NCKAP5: variants seen among roughly 807,000 people sequenced by gnomAD.
The protein encoded by NCKAP5 is nck-associated protein 5.
Under a neutral mutation model 167.0 loss-of-function variants are expected in NCKAP5, and 92 were observed. The ratio of observed to expected loss-of-function variants is 0.55; its 90% CI spans 0.47 to 0.66. The LOEUF is 0.66. Ranked by LOEUF, NCKAP5 falls within the 30% of genes least tolerant of loss-of-function variation. The pLI is 0.00. For missense variants in NCKAP5, 2,378 were observed against 2,315.0 expected, an observed-to-expected ratio of 1.03 and a Z score of -0.56; for synonymous variants, 891 against 877.4, an observed-to-expected ratio of 1.02 and a Z score of -0.27.
chr2:133,477,261 A>G (rs149068914), intron 3 of NCKAP5, among the ~76,000 whole-genome samples: 3 of 152,348 alleles, frequency 2.0e-5, no homozygotes, highest in Non-Finnish European at 4.4e-5. Flanking sequence ...TGCCTTCATC[A>G]GAGCTGGTTG....
chr2:132,720,820 C>T (rs34217247), intron 19 of NCKAP5, among the ~76,000 whole-genome samples: 19,261 of 151,822 alleles, frequency 0.13, 1,345 homozygotes, highest in East Asian at 0.16. Flanking sequence ...ACCAGCCTGG[C>T]CAACATAATG....
intron 6 of NCKAP5, among the ~76,000 whole-genome samples, chr2:132,997,783 T>C (rs1206859925): frequency 6.8e-6 from 1 of 148,030 alleles, no homozygotes; most frequent in Non-Finnish European, 1.5e-5. Flanking sequence ...GGGGAGAGCA[T>C]GAGAAAAACT....
At chr2:132,688,564 A>C (rs1686270069) in intron 19 of NCKAP5, among the ~76,000 whole-genome samples, 1 of 152,200 alleles carries the variant, frequency 6.6e-6, no homozygotes, top group African/African-American at 2.4e-5. Flanking sequence ...AACATGTAAA[A>C]GCAAGGGAAA....
chr2:133,360,601 T>C (rs1685033732), intron 3 of NCKAP5, among the ~76,000 whole-genome samples: 1 of 152,230 alleles, frequency 6.6e-6, no homozygotes, highest in Non-Finnish European at 1.5e-5. Context: ...AGTCCTTTCA[T>C]TGTCTTCATG....
the NCKAP5 span, among the ~76,000 whole-genome samples, chr2:133,634,195 G>A: frequency 1.3e-5 from 2 of 152,172 alleles, no homozygotes; most frequent in Non-Finnish European, 2.9e-5. Context: ...CAGCTTGCCA[G>A]TATGAAAAGA....
intron 7 of NCKAP5, among the ~76,000 whole-genome samples, chr2:132,990,540 T>C (rs975480825): frequency 6.6e-6 from 1 of 152,188 alleles, no homozygotes; most frequent in African/African-American, 2.4e-5. Flanking sequence ...AAAGGGACTT[T>C]TGCAGATTTG....
At chr2:132,814,014 A>G (rs1226995972) in intron 11 of NCKAP5, among the ~76,000 whole-genome samples, 1 of 152,200 alleles carries the variant, frequency 6.6e-6, no homozygotes, top group Non-Finnish European at 1.5e-5. Flanking sequence ...TTACAGCTCA[A>G]TGTCCTGGTT....
At chr2:132,693,743 A>T (rs1425456076) in intron 19 of NCKAP5, among the ~76,000 whole-genome samples, 1 of 148,048 alleles carries the variant, frequency 6.8e-6, no homozygotes, top group Non-Finnish European at 1.5e-5. Context: ...CTCCTGCCTC[A>T]GCCTCTCGAG....
intron 6 of NCKAP5, among the ~76,000 whole-genome samples, chr2:133,004,640 G>T (rs1215677513): frequency 6.6e-6 from 1 of 152,172 alleles, no homozygotes; most frequent in East Asian, 1.9e-4. Context: ...GGTGAAATTA[G>T]AATTAATGAT....
chr2:132,837,922 G>T (rs1400922338), intron 11 of NCKAP5, among the ~76,000 whole-genome samples: 5 of 152,156 alleles, frequency 3.3e-5, no homozygotes. Context: ...TGTACATCTG[G>T]GTGGTGGTGT....
intron 5 of NCKAP5, among the ~76,000 whole-genome samples, chr2:133,153,653 G>A (rs1014536352): frequency 4.0e-5 from 6 of 151,566 alleles, no homozygotes; most frequent in African/African-American, 1.2e-4. Context: ...CATCAATCCA[G>A]CCCCATCTTT....
At chr2:133,311,314 T>C (rs1681213767) in intron 3 of NCKAP5, among the ~76,000 whole-genome samples, 1 of 152,194 alleles carries the variant, frequency 6.6e-6, no homozygotes, top group Non-Finnish European at 1.5e-5. Context: ...TTACAAACGA[T>C]ACAGATAAAC....
At chr2:133,567,657 C>CTG (rs3050985) in intron 1 of NCKAP5, among the ~76,000 whole-genome samples, 15,767 of 130,486 alleles carry the variant, frequency 0.12, 728 homozygotes, top group East Asian at 0.15. Flanking sequence ...ATGAATGAGC[C>CTG]TGTGTGTGTG....
intron 4 of NCKAP5, among the ~76,000 whole-genome samples, chr2:133,215,330 A>G (rs1287775686): frequency 6.6e-6 from 1 of 152,216 alleles, no homozygotes; most frequent in East Asian, 1.9e-4. Flanking sequence ...TTTTAATATG[A>G]AAATTAAACA....
At chr2:132,914,204 T>C (rs923169135) in intron 8 of NCKAP5, among the ~76,000 whole-genome samples, 7 of 152,192 alleles carry the variant, frequency 4.6e-5, no homozygotes, top group African/African-American at 1.7e-4. Flanking sequence ...TCTAGGAGGC[T>C]AAATCATATT....
chr2:133,381,569 T>C (rs1686524959), intron 3 of NCKAP5: 1 of 152,192 alleles, frequency 6.6e-6, no homozygotes, highest in African/African-American at 2.4e-5. Context: ...AAATGAACAT[T>C]AGAGCCAGGA....
chr2:133,362,022 AC>A (rs1196423780), intron 3 of NCKAP5, among the ~76,000 whole-genome samples: 4 of 151,120 alleles, frequency 2.6e-5, no homozygotes, highest in Non-Finnish European at 4.4e-5. Flanking sequence ...GAAAAAAAAA[AC>A]AGTGTAAAAA....
intron 11 of NCKAP5, among the ~76,000 whole-genome samples, chr2:132,840,894 A>G (rs1037611992): frequency 6.6e-6 from 1 of 152,132 alleles, no homozygotes; most frequent in Non-Finnish European, 1.5e-5. Context: ...ATTTCACTGT[A>G]TATTTATTGA....
chr2:133,014,496 AG>A (rs2078267165), intron 6 of NCKAP5, among the ~76,000 whole-genome samples: 1 of 152,184 alleles, frequency 6.6e-6, no homozygotes, highest in Admixed American at 6.5e-5. Context: ...GCACCTCAAC[AG>A]GTGTGTTGTC....
Sources: allele counts gnomAD v4.1 joint callset (sites outside exome capture counted in the v4.1 genomes callset), GRCh38; gene constraint gnomAD v4.1.1; transcripts MANE v1.5; gene names NCBI Gene and HGNC (gene_info 2026-07-23, HGNC 2026-07-21).